Variants in METTL15 observed in about 807,000 individuals in gnomAD.
METTL15 encodes the protein methyltransferase 15, mitochondrial 12S rRNA N4-cytidine, also known as 12S rRNA N(4)-cytidine methyltransferase METTL15.
A neutral mutation model predicts 38.3 loss-of-function variants in METTL15; 34 were observed. The observed-to-expected ratio is 0.89, with a 90% CI of 0.68 to 1.18. The LOEUF is 1.18. METTL15 is among the 50% of genes most tolerant of loss of function. METTL15 has a pLI of 0.00. For synonymous variants in METTL15, 162 were observed against 170.9 expected, an observed-to-expected ratio of 0.95 and a Z score of 0.41; for missense variants, 438 against 498.4, an observed-to-expected ratio of 0.88 and a Z score of 1.15.
intron 6 of METTL15, among the ~76,000 whole-genome samples, chr11:28,450,705 A>G (rs1290506742): frequency 6.6e-6 from 1 of 152,236 alleles, no homozygotes; most frequent in Non-Finnish European, 1.5e-5. Context: ...TTTTGAAATG[A>G]TAAGCCATAA....
At chr11:28,248,376 C>A (rs1252204516) in intron 4 of METTL15, among the ~76,000 whole-genome samples, 1 of 152,034 alleles carries the variant, frequency 6.6e-6, no homozygotes, top group East Asian at 1.9e-4. Flanking sequence ...AATTGGTTTC[C>A]CATCTGTCTA....
intron 4 of METTL15, among the ~76,000 whole-genome samples, chr11:28,264,621 G>A (rs1283041764): frequency 6.6e-6 from 1 of 151,888 alleles, no homozygotes; most frequent in African/African-American, 2.4e-5. Context: ...TTTTCCCCTG[G>A]GTATTAGAGG....
intron 5 of METTL15, among the ~76,000 whole-genome samples, chr11:28,416,492 A>G (rs192445970): frequency 4.6e-5 from 7 of 152,316 alleles, no homozygotes; most frequent in Non-Finnish European, 1.0e-4. Context: ...TCCTCACTCC[A>G]TGTAAAGGTT....
intron 4 of METTL15, among the ~76,000 whole-genome samples, chr11:28,217,692 G>C (rs900406954): frequency 6.6e-6 from 1 of 152,112 alleles, no homozygotes; most frequent in Non-Finnish European, 1.5e-5. Flanking sequence ...ATGGTTTTAG[G>C]TCTACCATTT....
intron 4 of METTL15, among the ~76,000 whole-genome samples, chr11:28,225,269 C>T (rs754340360): frequency 6.6e-6 from 1 of 151,600 alleles, no homozygotes; most frequent in Non-Finnish European, 1.5e-5. Context: ...TTTCAATGGG[C>T]CTACTAGCCT....
intron 4 of METTL15, among the ~76,000 whole-genome samples, chr11:28,221,759 T>C (rs182629412): frequency 5.4e-4 from 82 of 152,314 alleles, no homozygotes; most frequent in African/African-American, 1.9e-3. Flanking sequence ...GTTTGTTAGT[T>C]TTCCTTCTAA....
In METTL15 at chr11:28,196,578, C is replaced by T. The variant is rs577641299; in HGVS notation, c.271-14484C>T. 1.3e-4 allele frequency among the ~76,000 whole-genome samples: 20 copies of T among 151,886 alleles called. 2 individuals carry two copies. In the South Asian group the frequency reaches 4.2e-3, roughly 32 times the overall value. On this transcript the variant is annotated intron_variant, in intron 3 of 6. Coordinates refer to ENST00000407364, the MANE Select transcript of METTL15 (RefSeq NM_001113528.2). ...GTGAGACTTTACTGAATTCATTTATCAAATCTAGGGGTCTTTTGAAAGATA... is the reference window on the plus strand; with the variant it reads ...GTGAGACTTTACTGAATTCATTTATTAAATCTAGGGGTCTTTTGAAAGATA...
chr11:28,223,595 T>C (rs1243570416), intron 4 of METTL15, among the ~76,000 whole-genome samples: 1 of 152,188 alleles, frequency 6.6e-6, no homozygotes, highest in Non-Finnish European at 1.5e-5. Context: ...ATTTTGCTGT[T>C]ATTCTAAAAG....
At chr11:28,151,151 G>C (rs1261686874) in intron 3 of METTL15, among the ~76,000 whole-genome samples, 1 of 151,842 alleles carries the variant, frequency 6.6e-6, no homozygotes, top group African/African-American at 2.4e-5. Flanking sequence ...ATTTGGACCT[G>C]AATTAAAAAC....
chr11:28,319,455 G>GT (rs138095699), intron 6 of METTL15, among the ~76,000 whole-genome samples: 2,121 of 149,974 alleles, frequency 0.014, 19 homozygotes, highest in Middle Eastern at 0.028. Flanking sequence ...AAAATAAGGT[G>GT]TTGTTTTTTT....
At chr11:28,176,786 G>C (rs1036993573) in intron 3 of METTL15, among the ~76,000 whole-genome samples, 6 of 151,936 alleles carry the variant, frequency 3.9e-5, no homozygotes, top group African/African-American at 1.4e-4. Context: ...ATGTAAAATG[G>C]AATTATGATA....
chr11:28,247,274 C>A (rs959719625), intron 4 of METTL15, among the ~76,000 whole-genome samples: 1 of 151,896 alleles, frequency 6.6e-6, no homozygotes, highest in Admixed American at 6.6e-5. Context: ...ATTAATGAGA[C>A]ATAAATTTGT....
At chr11:28,292,103 A>C (rs1436391611) in intron 5 of METTL15, among the ~76,000 whole-genome samples, 3 of 151,818 alleles carry the variant, frequency 2.0e-5, no homozygotes, top group African/African-American at 7.3e-5. Context: ...ACATGTGCAC[A>C]ACATGCAGGT....
intron 3 of METTL15, among the ~76,000 whole-genome samples, chr11:28,143,357 C>G (rs906367831): frequency 9.2e-5 from 14 of 152,150 alleles, no homozygotes; most frequent in Admixed American, 9.2e-4. Flanking sequence ...ATGCATTTCT[C>G]AAAACCATGA....
At chr11:28,397,102 A>G (rs1850578447) in intron 5 of METTL15, among the ~76,000 whole-genome samples, 1 of 152,184 alleles carries the variant, frequency 6.6e-6, no homozygotes, top group Non-Finnish European at 1.5e-5. Context: ...AAGATGGATT[A>G]AAGACTTAAA....
intron 3 of METTL15, among the ~76,000 whole-genome samples, chr11:28,159,921 T>C (rs1850395506): frequency 6.6e-6 from 1 of 152,116 alleles, no homozygotes; most frequent in African/African-American, 2.4e-5. Context: ...CTTGATTGGA[T>C]TGAAGGATAC....
At chr11:28,353,830 C>T (rs1393191023) in intron 4 of METTL15, among the ~76,000 whole-genome samples, 7 of 149,258 alleles carry the variant, frequency 4.7e-5, no homozygotes, top group Admixed American at 1.4e-4. Flanking sequence ...GAGGCTGAGG[C>T]AGGAGAATGG....
intron 6 of METTL15, among the ~76,000 whole-genome samples, chr11:28,506,736 CTTTTTTT>C (rs71449180): frequency 2.2e-3 from 246 of 111,602 alleles, no homozygotes; most frequent in African/African-American, 7.1e-3. Flanking sequence ...ATCTCAGTCT[CTTTTTTT>C]TTTTTTTTTT....
intron 3 of METTL15, among the ~76,000 whole-genome samples, chr11:28,160,777 A>G (rs1255818248): frequency 6.6e-6 from 1 of 152,130 alleles, no homozygotes; most frequent in Non-Finnish European, 1.5e-5. Context: ...ATATAAATGT[A>G]CTATATAACC....
Sources: gnomAD v4.1 joint callset for allele counts (sites outside exome capture counted in the v4.1 genomes callset) on GRCh38, gnomAD v4.1.1 for gene constraint, MANE v1.5 for transcripts, NCBI Gene and HGNC (gene_info 2026-07-23, HGNC 2026-07-21) for gene names.